The following TCP11L1 variants were observed in gnomAD, a reference collection of about 807,000 sequenced individuals.
The protein encoded by TCP11L1 is T-complex protein 11-like protein 1.
In TCP11L1, 28 loss-of-function variants were observed where a neutral mutation model predicts 48.9. The ratio of observed to expected loss-of-function variants is 0.57; its 90% CI spans 0.42 to 0.78. The LOEUF (loss-of-function observed/expected upper bound fraction) is 0.78, where lower values mean the gene tolerates loss of function less well. Among genes scored for constraint, TCP11L1 ranks in the 30% least tolerant of loss-of-function variants. TCP11L1 has a pLI of 0.00. For missense variants in TCP11L1, 505 were observed against 613.4 expected (o/e 0.82, Z 1.87); for synonymous variants, 204 against 231.9 (o/e 0.88, Z 1.09).
chr11:33,043,961 A>G (rs767243970), intron 2 of TCP11L1, 25 bp downstream of exon 2: 3 of 1,573,624 alleles, frequency 1.9e-6, no homozygotes, highest in Non-Finnish European at 1.7e-6. Context: ...CTTTGGTTAG[A>G]TGCAATATTG....
At position 33,066,012 on chromosome 11, in the gene TCP11L1, G is replaced by A. The variant is rs867853526; in HGVS notation, c.1154+1G>A. 2.5e-6 allele frequency: 4 copies of A among 1,613,842 alleles called. No individual in the cohort carries two copies. The highest frequency in any genetic ancestry group is 3.4e-6 in the Non-Finnish European group (4 of 1,179,810). On this transcript the variant is annotated splice_donor_variant, in intron 8 of 9. Coordinates refer to ENST00000334274, the MANE Select transcript of TCP11L1 (RefSeq NM_018393.4). LOFTEE classifies it high-confidence loss of function. Reference sequence around the variant, plus strand: ...TTTTGCTAACAGATATGCACCTGCCGTAAGTGGAACTTTGATGCGTGGATG... The same window carrying A: ...TTTTGCTAACAGATATGCACCTGCCATAAGTGGAACTTTGATGCGTGGATG...
intron 7 of TCP11L1, among the ~76,000 whole-genome samples, chr11:33,065,125 T>A (rs1854577602): frequency 6.6e-6 from 1 of 152,250 alleles, no homozygotes; most frequent in Non-Finnish European, 1.5e-5. Flanking sequence ...TAACAATAAG[T>A]ATAACTTTTA....
intron 6 of TCP11L1, 46 bp from the exon 7 acceptor site, chr11:33,061,479 AAGCAT>A: frequency 6.7e-7 from 1 of 1,499,782 alleles, no homozygotes; most frequent in Non-Finnish European, 9.0e-7. Context: ...TAATTCCGAG[AAGCAT>A]CCCTTCTTGG....
chr11:33,068,787 G>A lies in TCP11L1; in HGVS notation c.1255G>A (p.Asp419Asn). The A allele has an allele frequency of 6.2e-7, 1 of 1,614,120 alleles. No homozygotes were observed. The highest frequency in any genetic ancestry group is 8.5e-7 in the Non-Finnish European group (1 of 1,180,002). ...GTGTGGGTCCTCTCCCTTCACCACG[G>A]ACAAGGAGACCGTGCTCAAGGGCCA... The part of the protein sequence containing the change: ...SLCGSSPFTT[D>N]KETVLKGQIQ... Residue 419 changes from aspartate (D) to asparagine (N), a missense_variant, in exon 9 of 10, where the codon GAC (aspartate) becomes AAC (asparagine). Asp to Asn is a conservative substitution (Grantham distance 23). Around this residue, in one of 3 missense-constraint regions of TCP11L1, gnomAD observed 335 missense variants for 413.3 expected, o/e 0.81. Coordinates refer to ENST00000334274, the MANE Select transcript of TCP11L1 (RefSeq NM_018393.4).
intron 7 of TCP11L1, among the ~76,000 whole-genome samples, chr11:33,062,589 A>G (rs1337833485): frequency 6.6e-6 from 1 of 152,168 alleles, no homozygotes; most frequent in Non-Finnish European, 1.5e-5. Context: ...TTGTGCAACC[A>G]TTGCCACCAG....
intron 7 of TCP11L1, 103 bp downstream of exon 7, chr11:33,061,829 C>T: frequency 8.2e-7 from 1 of 1,217,920 alleles, no homozygotes; most frequent in Non-Finnish European, 1.1e-6. Context: ...TCCTGTAATC[C>T]CAGCACTTTG....
chr11:33,048,541 C>T (rs932548825), intron 2 of TCP11L1, among the ~76,000 whole-genome samples: 1 of 152,180 alleles, frequency 6.6e-6, no homozygotes, highest in Non-Finnish European at 1.5e-5. Flanking sequence ...GTAACATGTC[C>T]TGATCATATC....
At chr11:33,044,657 G>A (rs1853935914) in intron 2 of TCP11L1, among the ~76,000 whole-genome samples, 1 of 152,152 alleles carries the variant, frequency 6.6e-6, no homozygotes, top group South Asian at 2.1e-4. Flanking sequence ...TTTGGGTTTT[G>A]GGGTGTGTTT....
At chr11:33,058,565 T>G (rs1328148028) in intron 5 of TCP11L1, among the ~76,000 whole-genome samples, 2 of 146,602 alleles carry the variant, frequency 1.4e-5, no homozygotes, top group Non-Finnish European at 3.0e-5. Context: ...AAAAAAAAAT[T>G]TGTAAAATGC....
At chr11:33,051,996 C>T (rs1854174665) in intron 2 of TCP11L1, among the ~76,000 whole-genome samples, 1 of 152,010 alleles carries the variant, frequency 6.6e-6, no homozygotes, top group Admixed American at 6.6e-5. Flanking sequence ...ACAAAAAAGC[C>T]TTCTGATTGG....
At chr11:33,051,495 A>G (rs1282221721) in intron 2 of TCP11L1, among the ~76,000 whole-genome samples, 1 of 152,132 alleles carries the variant, frequency 6.6e-6, no homozygotes, top group Non-Finnish European at 1.5e-5. Context: ...TTGTAGCACC[A>G]TTTGATTAAA....
Position 33,068,756 on chromosome 11 carries a change from C to G in TCP11L1, c.1224C>G (p.Leu408=). 6.2e-7 allele frequency: 1 copy of G among 1,614,198 alleles called. No homozygotes were observed. ...TGTGCCTGGAGGTGAGCAGCTGCCTCTCCCTGTGTGGGTCCTCTCCCTTCA... is the reference window on the plus strand; with the variant it reads ...TGTGCCTGGAGGTGAGCAGCTGCCTGTCCCTGTGTGGGTCCTCTCCCTTCA... ...EKVCLEVSSC[L]SLCGSSPFTT... The change falls in exon 9 of 10, where the codon CTC becomes CTG. Residue 408 remains leucine, a synonymous_variant. Transcript: ENST00000334274.
At chr11:33,068,238 A>T (rs1854676336) in intron 8 of TCP11L1, among the ~76,000 whole-genome samples, 1 of 152,226 alleles carries the variant, frequency 6.6e-6, no homozygotes, top group South Asian at 2.1e-4. Flanking sequence ...ATTCTTTTAA[A>T]ATTAGTTAAT....
In TCP11L1 at chr11:33,072,656, A is replaced by G. The variant is rs995330218; in HGVS notation, c.1510A>G (p.Lys504Glu). 10 of 1,614,084 alleles carry G rather than the reference A, an allele frequency of 6.2e-6. No individual in the cohort carries two copies. Among genetic ancestry groups the G allele is most frequent in the Non-Finnish European group, 8.5e-6 (10 of 1,180,036 alleles). The change falls in exon 10 of 10, where the codon AAG (lysine) becomes GAG (glutamate). Residue 504 changes from lysine to glutamate, a missense_variant. By Grantham distance (56) the Lys-to-Glu change is moderately conservative. This residue lies in a region of TCP11L1 where 335 missense variants were observed against 413.3 expected (regional missense o/e 0.81). Transcript: ENST00000334274. Reference protein sequence around the residue: ...FCPYYDAILSKILVRS With the variant: ...FCPYYDAILSEILVRS ...TCCCTACTACGATGCAATCCTGAGT[A>G]AGATCCTCGTCCGATCCTAACGTGT...
intron 2 of TCP11L1, among the ~76,000 whole-genome samples, chr11:33,049,966 C>A (rs919479820): frequency 6.6e-6 from 1 of 152,202 alleles, no homozygotes; most frequent in Non-Finnish European, 1.5e-5. Context: ...CTTTCCTAGG[C>A]AGAGGCCCCT....
At position 33,046,117 on chromosome 11, in the gene TCP11L1, G is replaced by A. The variant is rs560964384; in HGVS notation, c.163+2181G>A. Among the ~76,000 whole-genome samples the A allele has an allele frequency of 6.6e-5, 10 of 152,302 alleles. No homozygotes were observed. The South Asian group carries it at 2.1e-3, about 32-fold the overall frequency. ...GTTTTATGCCCTGGGCTTAGATTAT[G>A]GTGCTGCAGGGCAGCCTTCTGCCCT... On this transcript the variant is annotated intron_variant, in intron 2 of 9. Coordinates refer to ENST00000334274, the MANE Select transcript of TCP11L1 (RefSeq NM_018393.4).
At chr11:33,050,612 A>T (rs1253830485) in intron 2 of TCP11L1, among the ~76,000 whole-genome samples, 1 of 151,936 alleles carries the variant, frequency 6.6e-6, no homozygotes, top group Non-Finnish European at 1.5e-5. Flanking sequence ...ACCACTCTCC[A>T]GTTTGGGCAA....
chr11:33,062,219 G>A (rs980078203), intron 7 of TCP11L1, among the ~76,000 whole-genome samples: 7 of 152,078 alleles, frequency 4.6e-5, no homozygotes, highest in African/African-American at 1.7e-4. Flanking sequence ...ACAGAGTTAC[G>A]CATCCATTGC....
intron 2 of TCP11L1, among the ~76,000 whole-genome samples, chr11:33,050,838 A>G (rs1474750842): frequency 6.6e-6 from 1 of 151,112 alleles, no homozygotes. Flanking sequence ...TTTTTAGACA[A>G]GGTCTCTATC....
Sources: gnomAD v4.1 joint callset for allele counts (sites outside exome capture counted in the v4.1 genomes callset) on GRCh38, gnomAD v4.1.1 for gene constraint, gnomAD v4.1.1 regional missense constraint, MANE v1.5 for transcripts, NCBI Gene and HGNC (gene_info 2026-07-23, HGNC 2026-07-21) for gene names.